The following CBLN2 variants were observed in gnomAD, a reference collection of about 807,000 sequenced individuals.
CBLN2 encodes cerebellin 2 precursor.
Under a neutral mutation model 15.0 loss-of-function variants are expected in CBLN2, and 7 were observed. The observed-to-expected ratio is 0.47, with a 90% CI of 0.27 to 0.88. The LOEUF is 0.88. Among genes scored for constraint, CBLN2 ranks in the 40% least tolerant of loss-of-function variants. The pLI is 0.14. For synonymous variants in CBLN2, 149 were observed against 135.2 expected, an observed-to-expected ratio of 1.10 and a Z score of -0.71; for missense variants, 242 against 304.5, an observed-to-expected ratio of 0.79 and a Z score of 1.53.
chr18:72,562,240 G>T (rs926300284), intron 1 of CBLN2, among the ~76,000 whole-genome samples: 1 of 152,138 alleles, frequency 6.6e-6, no homozygotes, highest in East Asian at 1.9e-4. Context: ...GGATGACAAT[G>T]TAGGCCATAC....
chr18:72,542,684 C>A (rs887366983), intron 2 of CBLN2, among the ~76,000 whole-genome samples: 1 of 152,144 alleles, frequency 6.6e-6, no homozygotes, highest in Non-Finnish European at 1.5e-5. Flanking sequence ...GAAAAACCTA[C>A]GAATGCTTGC....
intron 1 of CBLN2, among the ~76,000 whole-genome samples, chr18:72,604,017 C>A (rs2069566846): frequency 6.6e-6 from 1 of 152,180 alleles, no homozygotes; most frequent in Admixed American, 6.5e-5. Flanking sequence ...TCTTGACTCT[C>A]AACTTGCGTC....
chr18:72,615,166 TA>T (rs1370775347), intron 1 of CBLN2, among the ~76,000 whole-genome samples: 1 of 133,470 alleles, frequency 7.5e-6, no homozygotes. Flanking sequence ...AAAATATATA[TA>T]AATATATATT....
intron 1 of CBLN2, among the ~76,000 whole-genome samples, chr18:72,555,447 CGTGTGT>C (rs61258751): frequency 1.3e-5 from 2 of 149,576 alleles, no homozygotes; most frequent in Non-Finnish European, 3.0e-5. Flanking sequence ...TGTGTGTGGG[CGTGTGT>C]GTGTGTGTGT....
chr18:72,568,522 TTAAAG>T (rs1358104400), intron 1 of CBLN2, among the ~76,000 whole-genome samples: 4 of 151,690 alleles, frequency 2.6e-5, no homozygotes, highest in Non-Finnish European at 5.9e-5. Context: ...AAGCCAGTCT[TTAAAG>T]TAATTATTAT....
chr18:72,597,544 C>T (rs772032629), intron 1 of CBLN2, among the ~76,000 whole-genome samples: 1 of 152,186 alleles, frequency 6.6e-6, no homozygotes, highest in African/African-American at 2.4e-5. Context: ...CATAGTCTAG[C>T]CACTGCCTAT....
intron 1 of CBLN2, among the ~76,000 whole-genome samples, chr18:72,609,293 A>C (rs1192970201): frequency 6.6e-6 from 1 of 152,170 alleles, no homozygotes; most frequent in Non-Finnish European, 1.5e-5. Flanking sequence ...ATAATTATAA[A>C]TAGGGTCTTT....
chr18:72,570,401 C>G (rs1340114749), intron 1 of CBLN2, among the ~76,000 whole-genome samples: 4 of 147,902 alleles, frequency 2.7e-5, no homozygotes, highest in Admixed American at 6.9e-5. Context: ...CCACGCCTGG[C>G]TAATTTTTGT....
At chr18:72,538,435 CT>C (rs2069084248) in intron 4 of CBLN2, 62 bp from the exon 5 acceptor site, 3 of 1,573,638 alleles carry the variant, frequency 1.9e-6, no homozygotes, top group Non-Finnish European at 2.6e-6. Flanking sequence ...ACACTGTTCT[CT>C]CCTTTGCCAA....
chr18:72,538,783 A>G lies in CBLN2; in HGVS notation c.358-11T>C, dbSNP rs1286387424. 2.5e-6 allele frequency: 4 copies of G among 1,612,930 alleles called. No individual in the cohort carries two copies. Among genetic ancestry groups the G allele is most frequent in the African/African-American group, 2.7e-5 (2 of 74,910 alleles). On this transcript the variant is annotated splice_polypyrimidine_tract_variant and intron_variant, in intron 3 of 4. Transcript: ENST00000269503. ...AATATTTACTAATACCTGAAAAAGA[A>G]GAGGGAACACAGCACACAATGGCAA...
intron 1 of CBLN2, among the ~76,000 whole-genome samples, chr18:72,595,155 A>G (rs1331275411): frequency 6.6e-6 from 1 of 151,544 alleles, no homozygotes; most frequent in East Asian, 1.9e-4. Context: ...CTTTTTTCTC[A>G]TAGGTGCTTA....
At chr18:72,630,196 T>C (rs995656187) in intron 1 of CBLN2, among the ~76,000 whole-genome samples, 1 of 152,258 alleles carries the variant, frequency 6.6e-6, no homozygotes, top group South Asian at 2.1e-4. Context: ...TACCACAAAA[T>C]GAATTATCAT....
intron 1 of CBLN2, among the ~76,000 whole-genome samples, chr18:72,604,417 T>C (rs1262291781): frequency 6.6e-6 from 1 of 152,228 alleles, no homozygotes; most frequent in Non-Finnish European, 1.5e-5. Context: ...GTTTTTATTT[T>C]ATCAAAGTGT....
chr18:72,621,578 T>C (rs2069700965), intron 1 of CBLN2, among the ~76,000 whole-genome samples: 1 of 152,194 alleles, frequency 6.6e-6, no homozygotes, highest in Non-Finnish European at 1.5e-5. Context: ...CAATTATTTT[T>C]TAAAACAAAT....
Position 72,559,165 on chromosome 18 carries a change from G to A in CBLN2, c.16-20393C>T, listed in dbSNP as rs112701693. On this transcript the variant is annotated intron_variant, in intron 1 of 2. Transcript: ENST00000581073. ...CACTCCCCAGGTCTGGCAAAGTCAA[G>A]CATCTTTGATGTGATTGCTCCGGGT... is the stretch of plus-strand genomic sequence containing the variant. 6.9e-3 allele frequency among the ~76,000 whole-genome samples: 1,049 copies of A among 152,340 alleles called. 11 individuals are homozygous for A. The highest frequency in any genetic ancestry group is 0.024 in the African/African-American group (1,004 of 41,578).
intron 1 of CBLN2, among the ~76,000 whole-genome samples, chr18:72,551,826 T>G (rs537323500): frequency 6.6e-6 from 1 of 152,356 alleles, no homozygotes; most frequent in South Asian, 2.1e-4. Flanking sequence ...AGAAATAAAT[T>G]GTCCTTACCT....
At chr18:72,628,171 C>T (rs1373920655) in intron 1 of CBLN2, among the ~76,000 whole-genome samples, 4 of 152,184 alleles carry the variant, frequency 2.6e-5, no homozygotes, top group African/African-American at 7.2e-5. Flanking sequence ...TAATGTTCTG[C>T]GTCACCATCT....
intron 1 of CBLN2, among the ~76,000 whole-genome samples, chr18:72,576,629 A>G (rs980742965): frequency 3.3e-5 from 5 of 152,138 alleles, no homozygotes; most frequent in Admixed American, 6.5e-5. Flanking sequence ...AAACAATACC[A>G]GTCAGTTCAG....
At chr18:72,613,494 G>T (rs1282729856) in intron 1 of CBLN2, among the ~76,000 whole-genome samples, 1 of 85,992 alleles carries the variant, frequency 1.2e-5, no homozygotes, top group African/African-American at 2.7e-5. Flanking sequence ...ACACACTTTA[G>T]TTGAAAGATT....
Sources: allele counts gnomAD v4.1 joint callset (sites outside exome capture counted in the v4.1 genomes callset), GRCh38; gene constraint gnomAD v4.1.1; transcripts MANE v1.5; gene names NCBI Gene and HGNC (gene_info 2026-07-23, HGNC 2026-07-21).